ADAM11: variants seen among roughly 807,000 people sequenced by gnomAD.
ADAM11 encodes the protein disintegrin and metalloproteinase domain-containing protein 11.
A neutral mutation model predicts 119.1 loss-of-function variants in ADAM11; 49 were observed. The observed-to-expected ratio is 0.41, with a 90% confidence interval of 0.33 to 0.52. ADAM11 has a LOEUF of 0.52. Ranked by LOEUF, ADAM11 falls within the 20% of genes least tolerant of loss-of-function variation. The pLI, the probability that ADAM11 is intolerant of heterozygous loss-of-function variation, is 0.20. For synonymous variants in ADAM11, 364 were observed against 408.0 expected (o/e 0.89, Z 1.30); for missense variants, 777 against 1,047.5 (o/e 0.74, Z 3.56).
chr17:44,763,232 T>G (rs1326250086), intron 2 of ADAM11, among the ~76,000 whole-genome samples: 2 of 152,208 alleles, frequency 1.3e-5, no homozygotes, highest in Non-Finnish European at 2.9e-5. Flanking sequence ...TGGAATTATT[T>G]AATCTTCATC....
In ADAM11 at chr17:44,777,245, C is replaced by T; in HGVS notation, c.1761C>T (p.Gly587=). 1 of 1,606,458 alleles carries T rather than the reference C, an allele frequency of 6.2e-7. No individual in the cohort carries two copies. Among genetic ancestry groups the T allele is most frequent in the Non-Finnish European group, 8.5e-7 (1 of 1,179,208 alleles). Residue 587 remains glycine (G), a synonymous_variant, in exon 21 of 27, where the codon GGC becomes GGT. Coordinates refer to ENST00000200557, the MANE Select transcript of ADAM11 (RefSeq NM_002390.6). The surrounding 1 kb of genome is among the most constrained non-coding windows in gnomAD (Gnocchi z 5.1). ...ERGSCGRKGS[G]WVQCSKQDVL... is the part of the protein sequence containing the mutation. ...GGAGCTGTGGGCGCAAGGGATCTGG[C>T]TGGGTCCAGTGCAGTAAGCAGTGAG...
In ADAM11 at chr17:44,774,693, C is replaced by T. The variant is rs12942192; in HGVS notation, c.1169-5C>T. The T allele has an allele frequency of 0.26, 411,673 of 1,592,666 alleles. 55,875 individuals are homozygous for T. The highest frequency in any genetic ancestry group is 0.32 in the African/African-American group (23,922 of 74,006). ...TCCCTCATATCCGCCTGGCTCACCC[C>T]TCAGGGGACTGCAAGTGTCCAGACA... On this transcript the variant is annotated splice_polypyrimidine_tract_variant and splice_region_variant and intron_variant, in intron 13 of 26. Coordinates refer to ENST00000200557, the MANE Select transcript of ADAM11 (RefSeq NM_002390.6).
Position 44,769,472 on chromosome 17 carries a change from G to A in ADAM11, c.238-246G>A, listed in dbSNP as rs558276413. Among the ~76,000 whole-genome samples, 13 of 152,356 alleles carry A rather than the reference G, an allele frequency of 8.5e-5. No individual in the cohort carries two copies. In the South Asian group the frequency reaches 1.7e-3, roughly 19 times the overall value. Reference sequence around the variant, plus strand: ...CCCCAGAGAGGATGCACAGGTGCCCGGGCCCAGAGGGCAGAAAGGGGGCTG... The same window carrying A: ...CCCCAGAGAGGATGCACAGGTGCCCAGGCCCAGAGGGCAGAAAGGGGGCTG... On this transcript the variant is annotated intron_variant, in intron 2 of 26. Coordinates refer to ENST00000200557, the MANE Select transcript of ADAM11 (RefSeq NM_002390.6).
rs1158996609 is a variant in ADAM11, at chr17:44,770,488, T to TCA, written c.381+441_381+442insAC. Among the ~76,000 whole-genome samples, 37 of 60,270 alleles carry TCA rather than the reference T, an allele frequency of 6.1e-4. 1 individual carries two copies. Among genetic ancestry groups the TCA allele is most frequent in the African/African-American group, 1.8e-3 (34 of 18,828 alleles). 39.5% of individuals were successfully genotyped at this position (60,270 alleles called of 152,430 possible). A position where few individuals can be genotyped will look rare whatever the true frequency, so the allele number is the denominator to read the frequency against. ...AATGAGTGTCTATAAATAGCCTGTC[T>TCA]CCCCCCCCCCCGCCCCCACTGCCTG... On this transcript the variant is annotated intron_variant, in intron 4 of 26. Transcript: ENST00000200557.
intron 4 of ADAM11, 36 bp from the exon 5 acceptor site, chr17:44,771,548 C>G: frequency 6.2e-7 from 1 of 1,603,426 alleles, no homozygotes; most frequent in Non-Finnish European, 8.5e-7. Context: ...CCCCCGGCCT[C>G]ATGCCAGCGT....
In ADAM11 at chr17:44,773,949, G is replaced by A. The variant is rs963641308; in HGVS notation, c.993-346G>A. Among the ~76,000 whole-genome samples the A allele has an allele frequency of 7.2e-5, 11 of 152,156 alleles. No homozygotes were observed. Among genetic ancestry groups the A allele is most frequent in the African/African-American group, 2.7e-4 (11 of 41,438 alleles). On this transcript the variant is annotated intron_variant, in intron 11 of 26. Transcript: ENST00000200557. This position sits in a 1 kb window ranked among gnomAD's most constrained non-coding sequence, Gnocchi z 4.6. ...CATCTCAAAATACAAAAATTAGCCA[G>A]GCGTGGTGGTGTGCACCTGTAGTCC...
In ADAM11 at chr17:44,771,824, C is replaced by T. The variant is rs1442521420; in HGVS notation, c.536C>T (p.Ala179Val). 2.5e-6 allele frequency: 4 copies of T among 1,610,538 alleles called. No homozygotes were observed. Among genetic ancestry groups the T allele is most frequent in the Non-Finnish European group, 3.4e-6 (4 of 1,177,236 alleles). ...CAAGAGGTGGCTGGACCTTGGGGAG[C>T]CCCTCAGGTAAGCCCCACACAACCC... ...EPQEVAGPWG[A>V]PQGPLPHLIY... Residue 179 changes from alanine (A) to valine (V), a missense_variant, in exon 6 of 27, where the codon GCC becomes GTC. By Grantham distance (64) the Ala-to-Val change is moderately conservative. Transcript: ENST00000200557.
At chr17:44,771,315 A>T (rs1325202816) in intron 4 of ADAM11, among the ~76,000 whole-genome samples, 1 of 141,572 alleles carries the variant, frequency 7.1e-6, no homozygotes, top group Non-Finnish European at 1.5e-5. Context: ...AAAAAAAAAA[A>T]CCATTGCTAC....
In ADAM11 at chr17:44,773,385, G is replaced by A. The variant is rs750517141; in HGVS notation, c.950G>A (p.Arg317Gln). 3.1e-5 allele frequency: 50 copies of A among 1,613,746 alleles called. No individual in the cohort carries two copies. The highest frequency in any genetic ancestry group is 6.7e-5 in the East Asian group (3 of 44,894). The change falls in exon 11 of 27, where the codon CGG becomes CAG. Residue 317 changes from arginine (R) to glutamine (Q), a missense_variant. Transcript: ENST00000200557. This position sits in a 1 kb window ranked among gnomAD's most constrained non-coding sequence, Gnocchi z 4.6. ...ETLARLMVYR[R>Q]EGLPEPSDAT... The stretch of plus-strand genomic sequence containing the variant: ...CTGGCCCGGCTCATGGTCTACCGAC[G>A]GGAGGGTCTGCCTGAGCCCAGTGAT...
At chr17:44,778,998 GTCACATGA>G (rs1026986062) in intron 25 of ADAM11, among the ~76,000 whole-genome samples, 1 of 152,164 alleles carries the variant, frequency 6.6e-6, no homozygotes, top group African/African-American at 2.4e-5. Flanking sequence ...ATGGCCCAAG[GTCACATGA>G]TTGAGTTAGT....
Position 44,773,154 on chromosome 17 carries a change from C to T in ADAM11, c.825+69C>T. The T allele has an allele frequency of 2.0e-6, 3 of 1,499,244 alleles. No homozygotes were observed. The highest frequency in any genetic ancestry group is 1.1e-5 in the South Asian group (1 of 89,466). The allele number at this position is 1,499,244 out of a possible 1,614,324, so 92.9% of individuals were successfully genotyped here. A position where few individuals can be genotyped will look rare whatever the true frequency, so the allele number is the denominator to read the frequency against. ...CCACCCCACCACACACATTAGGGGGCACTGTCAGCCCCTGGCTCCCACTTC... is the reference window on the plus strand; with the variant it reads ...CCACCCCACCACACACATTAGGGGGTACTGTCAGCCCCTGGCTCCCACTTC... On this transcript the variant is annotated intron_variant, in intron 10 of 26. Transcript: ENST00000200557. This position sits in a 1 kb window ranked among gnomAD's most constrained non-coding sequence, Gnocchi z 4.6.
At chr17:44,770,491 C>T (rs1327576511) in intron 4 of ADAM11, among the ~76,000 whole-genome samples, 1 of 44,816 alleles carries the variant, frequency 2.2e-5, no homozygotes, top group East Asian at 9.2e-4. Context: ...GCCTGTCTCC[C>T]CCCCCCCCGC....
Position 44,773,145 on chromosome 17 carries a change from A to G in ADAM11, c.825+60A>G. ...TCATGCCCCCCACCCCACCACACAC[A>G]TTAGGGGGCACTGTCAGCCCCTGGC... On this transcript the variant is annotated intron_variant, in intron 10 of 26. Coordinates refer to ENST00000200557, the MANE Select transcript of ADAM11 (RefSeq NM_002390.6). This position sits in a 1 kb window ranked among gnomAD's most constrained non-coding sequence, Gnocchi z 4.6. The G allele has an allele frequency of 2.2e-6, 3 of 1,340,974 alleles. No individual in the cohort carries two copies. Among genetic ancestry groups the G allele is most frequent in the Non-Finnish European group, 3.0e-6 (3 of 1,003,580 alleles). 83.1% of individuals were successfully genotyped at this position (1,340,974 alleles called of 1,614,324 possible).
rs780138211 is a variant in ADAM11 at position 44,777,705 on chromosome 17, G to A, written c.1912G>A (p.Val638Met). The A allele has an allele frequency of 9.9e-6, 16 of 1,613,678 alleles. No homozygotes were observed. Among genetic ancestry groups the A allele is most frequent in the South Asian group, 5.5e-5 (5 of 91,086 alleles). The change falls in exon 23 of 27, where the codon GTG becomes ATG. Residue 638 changes from valine (V) to methionine (M), a missense_variant. Val to Met is a conservative substitution (Grantham distance 21). Coordinates refer to ENST00000200557, the MANE Select transcript of ADAM11 (RefSeq NM_002390.6). The surrounding 1 kb of genome is among the most constrained non-coding windows in gnomAD (Gnocchi z 5.1). ...GKELDCRGGH[V>M]QLADGSDLSY... ...GTGTCACTTCCCCAGGGGAGGCCAC[G>A]TGCAGCTGGCGGACGGCTCTGACCT...
chr17:44,763,317 C>T (rs183023722), intron 2 of ADAM11, among the ~76,000 whole-genome samples: 1 of 152,188 alleles, frequency 6.6e-6, no homozygotes, highest in African/African-American at 2.4e-5. Context: ...ACGTAACTGC[C>T]CCAAGTGACA....
chr17:44,759,509 T>TG (rs1221380297), intron 1 of ADAM11: 20 of 1,241,498 alleles, frequency 1.6e-5, no homozygotes, highest in Admixed American at 8.4e-5. Flanking sequence ...TTTGGGCGGA[T>TG]GGGGGGGCAG....
Position 44,773,160 on chromosome 17 carries a change from C to T in ADAM11, c.825+75C>T. The stretch of plus-strand genomic sequence containing the variant: ...CACCACACACATTAGGGGGCACTGT[C>T]AGCCCCTGGCTCCCACTTCCTGGAG... On this transcript the variant is annotated intron_variant, in intron 10 of 26. Transcript: ENST00000200557. This position sits in a 1 kb window ranked among gnomAD's most constrained non-coding sequence, Gnocchi z 4.6. The T allele has an allele frequency of 2.6e-6, 4 of 1,552,812 alleles. No individual in the cohort carries two copies. The highest frequency in any genetic ancestry group is 2.2e-5 in the South Asian group (2 of 89,948).
intron 2 of ADAM11, among the ~76,000 whole-genome samples, chr17:44,765,032 G>T (rs892491085): frequency 6.6e-6 from 1 of 152,178 alleles, no homozygotes; most frequent in South Asian, 2.1e-4. Flanking sequence ...GAACCCAGCT[G>T]TCCAGAGTCT....
At chr17:44,779,296 G>A in intron 26 of ADAM11, 57 bp downstream of exon 26, 2 of 1,542,144 alleles carry the variant, frequency 1.3e-6, no homozygotes, top group Non-Finnish European at 8.7e-7. Flanking sequence ...CCCTCCCGCT[G>A]TCCTTGTCTC....
Sources: gnomAD v4.1 joint callset for allele counts (sites outside exome capture counted in the v4.1 genomes callset) on GRCh38, gnomAD v4.1.1 for gene constraint, Gnocchi (gnomAD v3.1) non-coding constraint, MANE v1.5 for transcripts, NCBI Gene and HGNC (gene_info 2026-07-23, HGNC 2026-07-21) for gene names.